WDPCP: variants seen among roughly 807,000 people sequenced by gnomAD.
WDPCP encodes WD repeat containing planar cell polarity effector.
Under a neutral mutation model 93.1 loss-of-function variants are expected in WDPCP, and 71 were observed. That is an observed-to-expected ratio of 0.76 (90% confidence interval 0.63 to 0.93). WDPCP has a LOEUF of 0.93. Among genes scored for constraint, WDPCP ranks in the 40% least tolerant of loss-of-function variants. The pLI, the probability that WDPCP is intolerant of heterozygous loss-of-function variation, is 0.00. For synonymous variants in WDPCP, 315 were observed against 315.0 expected (o/e 1.00, Z 0.00); for missense variants, 844 against 887.4 (o/e 0.95, Z 0.62).
chr2:63,137,289 G>A (rs1030501586), intron 17 of WDPCP, among the ~76,000 whole-genome samples: 2 of 152,140 alleles, frequency 1.3e-5, no homozygotes, highest in African/African-American at 4.8e-5. Context: ...GTATCTCATT[G>A]TGGTTTTGAT....
chr2:63,228,654 T>G (rs1678531476), intron 14 of WDPCP: 1 of 150,590 alleles, frequency 6.6e-6, no homozygotes, highest in Non-Finnish European at 1.5e-5. Context: ...CATTGTTCCA[T>G]TCCCACCTAT....
chr2:63,676,490 C>T (rs991949612), intron 2 of WDPCP, among the ~76,000 whole-genome samples: 4 of 151,926 alleles, frequency 2.6e-5, no homozygotes, highest in Admixed American at 2.6e-4. Context: ...ATGAGAATTA[C>T]CTACAAAGAT....
At chr2:63,710,723 T>C (rs1669249933) in intron 2 of WDPCP, among the ~76,000 whole-genome samples, 1 of 152,212 alleles carries the variant, frequency 6.6e-6, no homozygotes, top group Non-Finnish European at 1.5e-5. Flanking sequence ...GGAGCACCTG[T>C]TGGGCTGAAT....
intron 13 of WDPCP, among the ~76,000 whole-genome samples, chr2:63,294,407 G>T (rs1248511350): frequency 6.6e-6 from 1 of 151,882 alleles, no homozygotes; most frequent in Admixed American, 6.6e-5. Flanking sequence ...CTACTTGGGA[G>T]GCTGAGGGAG....
chr2:63,192,051 C>T (rs541616416), intron 14 of WDPCP, among the ~76,000 whole-genome samples: 10 of 152,254 alleles, frequency 6.6e-5, no homozygotes, highest in Admixed American at 6.5e-4. Context: ...AAAGGAAAAG[C>T]TCTCCTTACC....
At chr2:63,217,671 A>G (rs918450818) in intron 14 of WDPCP, among the ~76,000 whole-genome samples, 4 of 152,204 alleles carry the variant, frequency 2.6e-5, no homozygotes, top group African/African-American at 9.6e-5. Context: ...GAAGACTAAC[A>G]TATCATTTTG....
chr2:63,283,120 T>G (rs1683698314), intron 13 of WDPCP, among the ~76,000 whole-genome samples: 1 of 152,204 alleles, frequency 6.6e-6, no homozygotes, highest in Admixed American at 6.5e-5. Flanking sequence ...GTGGCATAAC[T>G]TTATGAAGAA....
upstream of WDPCP, chr2:63,589,016 G>T: frequency 6.2e-7 from 1 of 1,614,230 alleles, no homozygotes. Context: ...TTTTGCAGTT[G>T]TTGAAATTGT....
chr2:63,648,623 AATGT>A (rs1476641698), intron 3 of WDPCP, among the ~76,000 whole-genome samples: 2 of 152,214 alleles, frequency 1.3e-5, no homozygotes, highest in African/African-American at 4.8e-5. Flanking sequence ...GAAACCAAAA[AATGT>A]ATAGACTTTT....
chr2:63,628,873 A>G (rs262500), intron 3 of WDPCP, among the ~76,000 whole-genome samples: 37,473 of 152,134 alleles, frequency 0.25, 5,607 homozygotes, highest in East Asian at 0.71. Flanking sequence ...CAGAAAACCA[A>G]CTTGGAGCTG....
chr2:63,218,889 TTTG>T (rs1308395227), intron 14 of WDPCP, among the ~76,000 whole-genome samples: 2 of 152,198 alleles, frequency 1.3e-5, no homozygotes, highest in African/African-American at 2.4e-5. Flanking sequence ...CAATGAAGTT[TTTG>T]TTATTAATTG....
chr2:63,136,513 G>A (rs559586394), intron 17 of WDPCP, among the ~76,000 whole-genome samples: 9 of 152,148 alleles, frequency 5.9e-5, no homozygotes, highest in East Asian at 3.9e-4. Flanking sequence ...TGCATTTTAC[G>A]GGGGAGGGAA....
chr2:63,751,915 C>G, intron 2 of WDPCP: 1 of 683,822 alleles, frequency 1.5e-6, no homozygotes, highest in South Asian at 1.4e-5. Flanking sequence ...TCCATTATAG[C>G]CATCCCCACT....
At chr2:63,258,001 C>T (rs994728623) in intron 14 of WDPCP, among the ~76,000 whole-genome samples, 1 of 152,136 alleles carries the variant, frequency 6.6e-6, no homozygotes, top group Non-Finnish European at 1.5e-5. Context: ...ATAACGTCAT[C>T]ATTCCTATAA....
At chr2:63,565,449 ATATT>A (rs1367322088) in intron 1 of WDPCP, among the ~76,000 whole-genome samples, 4 of 152,186 alleles carry the variant, frequency 2.6e-5, no homozygotes, top group Non-Finnish European at 5.9e-5. Context: ...AATTAAAGAA[ATATT>A]TAAACTCTAT....
intron 2 of WDPCP, among the ~76,000 whole-genome samples, chr2:63,777,197 A>G (rs1670316894): frequency 6.6e-6 from 1 of 152,200 alleles, no homozygotes; most frequent in Admixed American, 6.5e-5. Context: ...ATGTATAATT[A>G]TTATGTGTCC....
intron 3 of WDPCP, chr2:63,606,911 G>T: frequency 6.2e-7 from 1 of 1,612,360 alleles, no homozygotes. Context: ...GATTTCTCAC[G>T]TGAGAAGATG....
chr2:63,591,012 A>AAT (rs775144809), upstream of WDPCP: 20 of 152,216 alleles, frequency 1.3e-4, no homozygotes, highest in African/African-American at 4.6e-4. Context: ...GTAATTTAGA[A>AAT]ATATATATAA....
intron 2 of WDPCP, among the ~76,000 whole-genome samples, chr2:63,655,093 A>G (rs568075347): frequency 1.3e-5 from 2 of 152,284 alleles, no homozygotes; most frequent in East Asian, 3.9e-4. Context: ...ATTTGTACTC[A>G]TGCTTCATTG....
Sources: allele counts gnomAD v4.1 joint callset (sites outside exome capture counted in the v4.1 genomes callset), GRCh38; gene constraint gnomAD v4.1.1; transcripts MANE v1.5; gene names NCBI Gene and HGNC (gene_info 2026-07-23, HGNC 2026-07-21).